UGGT1: variants seen among roughly 807,000 people sequenced by gnomAD.
UGGT1 encodes UDP-glucose:glycoprotein glucosyltransferase 1.
Under a neutral mutation model 203.9 loss-of-function variants are expected in UGGT1, and 107 were observed. The observed-to-expected ratio is 0.52, with a 90% confidence interval of 0.45 to 0.62. The LOEUF (loss-of-function observed/expected upper bound fraction) is 0.62, where lower values mean the gene tolerates loss of function less well. UGGT1 is among the 20% of genes least tolerant of loss of function. UGGT1 has a pLI of 0.00. For synonymous variants in UGGT1, 628 were observed against 653.5 expected, an observed-to-expected ratio of 0.96 and a Z score of 0.59; for missense variants, 1,673 against 1,867.2, an observed-to-expected ratio of 0.90 and a Z score of 1.92.
At chr2:128,099,519 G>A (rs1687269115) in intron 2 of UGGT1, among the ~76,000 whole-genome samples, 1 of 152,150 alleles carries the variant, frequency 6.6e-6, no homozygotes, top group African/African-American at 2.4e-5. Flanking sequence ...CATGTTGATT[G>A]TGTGAACGAA....
chr2:128,117,354 TGCTGG>T (rs1688155886), intron 8 of UGGT1, among the ~76,000 whole-genome samples: 1 of 152,206 alleles, frequency 6.6e-6, no homozygotes, highest in Non-Finnish European at 1.5e-5. Context: ...TCTCCCAGAG[TGCTGG>T]GAATACAGGC....
At chr2:128,133,408 A>AG in intron 14 of UGGT1, 148 bp downstream of exon 14, 1 of 1,148,340 alleles carries the variant, frequency 8.7e-7, no homozygotes, top group Non-Finnish European at 1.2e-6. Context: ...TCACACTGGA[A>AG]AGGCTTTGTA....
At chr2:128,133,313 C>T in intron 14 of UGGT1, 53 bp downstream of exon 14, 12 of 1,596,606 alleles carry the variant, frequency 7.5e-6, no homozygotes, top group Non-Finnish European at 1.0e-5. Context: ...TTGCCTAGTC[C>T]CTCTTTTTTT....
chr2:128,164,847 T>C, intron 26 of UGGT1, 22 bp downstream of exon 26: 1 of 1,553,920 alleles, frequency 6.4e-7, no homozygotes, highest in Non-Finnish European at 8.7e-7. Context: ...ATGTTGAATT[T>C]GTGCATATTC....
chr2:128,136,831 A>G (rs1689150080), intron 15 of UGGT1, among the ~76,000 whole-genome samples: 1 of 152,228 alleles, frequency 6.6e-6, no homozygotes, highest in African/African-American at 2.4e-5. Flanking sequence ...TCCACCAGCA[A>G]TGAATGAGAG....
Position 128,164,796 on chromosome 2 carries a change from C to A in UGGT1, c.2892C>A (p.Ile964=). The part of the protein sequence containing the change: ...LSAQPKGDPR[I]EYQFFEDRHS... ...CGCAACCAAAAGGAGATCCAAGAAT[C>A]GAGTACCAGTTTTTTGAAGACAGAC... The change falls in exon 26 of 41, where the codon ATC becomes ATA. Residue 964 remains isoleucine (I), a synonymous_variant. Coordinates refer to ENST00000259253, the MANE Select transcript of UGGT1 (RefSeq NM_020120.4). 1 of 1,607,418 alleles carries A rather than the reference C, an allele frequency of 6.2e-7. No individual in the cohort carries two copies. The highest frequency in any genetic ancestry group is 2.2e-5 in the East Asian group (1 of 44,562).
intron 28 of UGGT1, among the ~76,000 whole-genome samples, chr2:128,172,174 G>C (rs1691138758): frequency 6.6e-6 from 1 of 152,210 alleles, no homozygotes; most frequent in Non-Finnish European, 1.5e-5. Context: ...CTTGAAGGGA[G>C]GAAAATGCCC....
chr2:128,156,555 A>ATTT (rs397792244), intron 21 of UGGT1, 140 bp downstream of exon 21: 846 of 404,004 alleles, frequency 2.1e-3, no homozygotes, highest in South Asian at 8.6e-3. Context: ...AATGTAGATA[A>ATTT]TTTTTTTTTT....
chr2:128,169,041 C>CT (rs1690946723), intron 26 of UGGT1, among the ~76,000 whole-genome samples: 1 of 100,000 alleles, frequency 1.0e-5, no homozygotes, highest in African/African-American at 4.1e-5. Context: ...GAGCGAGACT[C>CT]TGTCTTTAAA....
At chr2:128,156,337 A>T in intron 20 of UGGT1, 55 bp from the exon 21 acceptor site, 1 of 1,371,250 alleles carries the variant, frequency 7.3e-7, no homozygotes, top group Non-Finnish European at 1.0e-6. Context: ...TACAGTAGGC[A>T]TTCATTCCAG....
At chr2:128,162,183 G>A (rs1055715208) in intron 25 of UGGT1, among the ~76,000 whole-genome samples, 2 of 150,714 alleles carry the variant, frequency 1.3e-5, no homozygotes, top group African/African-American at 4.9e-5. Flanking sequence ...TTGGGAAAAT[G>A]TCTATTCAAG....
At chr2:128,119,455 T>A (rs1688274406) in intron 8 of UGGT1, among the ~76,000 whole-genome samples, 1 of 152,028 alleles carries the variant, frequency 6.6e-6, no homozygotes, top group African/African-American at 2.4e-5. Flanking sequence ...AAAAGAAATT[T>A]TGAGTTTATG....
Position 128,150,378 on chromosome 2 carries a change from A to G in UGGT1, c.2017-2406A>G, listed in dbSNP as rs371138713. ...TTGAGGATTGAGGCTGTAGTGGGCT[A>G]TAATCATGCCACTGCACTCTAGTCT... is the stretch of plus-strand genomic sequence containing the variant. On this transcript the variant is annotated intron_variant, in intron 18 of 40. Transcript: ENST00000259253. Among the ~76,000 whole-genome samples the G allele has an allele frequency of 1.9e-4, 29 of 152,348 alleles. No individual in the cohort carries two copies. The South Asian group carries it at 6.0e-3, about 32-fold the overall frequency.
At chr2:128,113,040 C>G (rs1687939935) in intron 5 of UGGT1, 44 bp from the exon 6 acceptor site, 3 of 1,435,580 alleles carry the variant, frequency 2.1e-6, no homozygotes, top group Non-Finnish European at 2.8e-6. Context: ...TTTAGTGTTT[C>G]ACAATTATTT....
chr2:128,174,192 A>T (rs1691256094), intron 30 of UGGT1, among the ~76,000 whole-genome samples: 1 of 152,168 alleles, frequency 6.6e-6, no homozygotes, highest in Non-Finnish European at 1.5e-5. Flanking sequence ...ATGAGCTGAC[A>T]GCCTTTTTCT....
intron 10 of UGGT1, 85 bp from the exon 11 acceptor site, chr2:128,123,101 A>G (rs936647355): frequency 2.0e-6 from 2 of 1,023,756 alleles, no homozygotes; most frequent in Non-Finnish European, 1.4e-6. Flanking sequence ...TTATTGAATA[A>G]TGTGTTTCAT....
chr2:128,131,794 A>C (rs1256923077), intron 13 of UGGT1, among the ~76,000 whole-genome samples: 3 of 151,872 alleles, frequency 2.0e-5, no homozygotes, highest in Non-Finnish European at 4.4e-5. Context: ...TGCCCAGCTA[A>C]TTTTTGTATT....
At chr2:128,180,675 G>T (rs1036303626) in intron 35 of UGGT1, among the ~76,000 whole-genome samples, 1 of 152,196 alleles carries the variant, frequency 6.6e-6, no homozygotes, top group African/African-American at 2.4e-5. Context: ...GTCATTTCAT[G>T]TGGTGACCAG....
intron 9 of UGGT1, among the ~76,000 whole-genome samples, chr2:128,120,959 T>C (rs1242694041): frequency 5.9e-4 from 2 of 3,388 alleles, no homozygotes; most frequent in African/African-American, 7.4e-4. Flanking sequence ...TGCGTTAGTG[T>C]AGCGTTAGTG....
Sources: gnomAD v4.1 joint callset for allele counts (sites outside exome capture counted in the v4.1 genomes callset) on GRCh38, gnomAD v4.1.1 for gene constraint, MANE v1.5 for transcripts, NCBI Gene and HGNC (gene_info 2026-07-23, HGNC 2026-07-21) for gene names.